R3HDM1: variants seen among roughly 807,000 people sequenced by gnomAD.
The protein encoded by R3HDM1 is R3H domain-containing protein 1.
Under a neutral mutation model 141.1 loss-of-function variants are expected in R3HDM1, and 46 were observed. That is an observed-to-expected ratio of 0.33 (90% CI 0.26 to 0.42). R3HDM1 has a LOEUF of 0.42. R3HDM1 is among the 10% of genes least tolerant of loss of function. R3HDM1 has a pLI of 1.00. For missense variants in R3HDM1, 1,184 were observed against 1,368.3 expected (o/e 0.87, Z 2.12); for synonymous variants, 435 against 472.9 (o/e 0.92, Z 1.04).
chr2:135,711,963 T>TAAAAAAAAA (rs35616482), intron 23 of R3HDM1, among the ~76,000 whole-genome samples: 2 of 85,108 alleles, frequency 2.3e-5, no homozygotes, highest in African/African-American at 4.8e-5. Context: ...TGTCTAAAAT[T>TAAAAAAAAA]AAAAAAAAAA....
At chr2:135,582,601 C>A (rs1707072205) in intron 1 of R3HDM1, among the ~76,000 whole-genome samples, 1 of 152,086 alleles carries the variant, frequency 6.6e-6, no homozygotes, top group African/African-American at 2.4e-5. Flanking sequence ...TGGGGGAAGT[C>A]TGGAGGGCCA....
Position 135,590,192 on chromosome 2 carries a change from G to C in R3HDM1, c.-249-12308G>C, listed in dbSNP as rs1383199344. On this transcript the variant is annotated intron_variant, in intron 1 of 26. Coordinates refer to ENST00000683871, the MANE Select transcript of R3HDM1 (RefSeq NM_001378107.1). ...CTCTCTTTTCATTTTCAAATGCTTA[G>C]AAAGTTATGTAGTACCTCTACAATA... Among the ~76,000 whole-genome samples, 3 of 152,062 alleles carry C rather than the reference G, an allele frequency of 2.0e-5. No homozygotes were observed. The East Asian group carries it at 5.8e-4, about 29-fold the overall frequency.
intron 3 of R3HDM1, among the ~76,000 whole-genome samples, chr2:135,610,694 ATTAAC>A (rs1243510381): frequency 1.3e-5 from 2 of 152,264 alleles, no homozygotes. Context: ...TGATGAAACA[ATTAAC>A]TTATTTCATT....
chr2:135,709,422 T>G lies in R3HDM1; in HGVS notation c.2460-11T>G. On this transcript the variant is annotated splice_polypyrimidine_tract_variant and intron_variant, in intron 21 of 26. Coordinates refer to ENST00000683871, the MANE Select transcript of R3HDM1 (RefSeq NM_001378107.1). ...TCCTCTCATTATGCTGTTTTTTTGT[T>G]TTTTCCATAGCTCTTCAGTAGGTTA... The G allele has an allele frequency of 6.2e-7, 1 of 1,613,836 alleles. No individual in the cohort carries two copies. Among genetic ancestry groups the G allele is most frequent in the South Asian group, 1.1e-5 (1 of 91,074 alleles).
At chr2:135,701,223 CAAAAAAAA>C (rs748354211) in intron 21 of R3HDM1, among the ~76,000 whole-genome samples, 3 of 82,432 alleles carry the variant, frequency 3.6e-5, no homozygotes, top group Non-Finnish European at 8.1e-5. Flanking sequence ...TCATCTCTAC[CAAAAAAAA>C]AAAAAAAAAA....
chr2:135,549,488 G>A (rs1361024233), intron 1 of R3HDM1, among the ~76,000 whole-genome samples: 14 of 150,410 alleles, frequency 9.3e-5, no homozygotes, highest in Admixed American at 9.3e-4. Flanking sequence ...TTGAACTCGG[G>A]AGGCGGATAT....
intron 21 of R3HDM1, among the ~76,000 whole-genome samples, chr2:135,695,312 C>A (rs1037827579): frequency 3.3e-5 from 5 of 151,922 alleles, no homozygotes; most frequent in African/African-American, 1.2e-4. Flanking sequence ...GAAACTAAGG[C>A]TAATAATGAG....
At chr2:135,552,913 G>A (rs1025248919) in intron 1 of R3HDM1, among the ~76,000 whole-genome samples, 1 of 151,620 alleles carries the variant, frequency 6.6e-6, no homozygotes, top group Non-Finnish European at 1.5e-5. Context: ...CCCTCACTCT[G>A]TTGCCCAGGC....
At chr2:135,541,761 A>G (rs983213959) in intron 1 of R3HDM1, among the ~76,000 whole-genome samples, 11 of 151,742 alleles carry the variant, frequency 7.2e-5, no homozygotes, top group African/African-American at 2.7e-4. Flanking sequence ...TTACCAAACT[A>G]TTACACAGAG....
At chr2:135,695,421 A>G (rs1559456650) in intron 21 of R3HDM1, among the ~76,000 whole-genome samples, 1 of 152,204 alleles carries the variant, frequency 6.6e-6, no homozygotes, top group Admixed American at 6.6e-5. Flanking sequence ...TTAAGGGGCT[A>G]ATTCATGTGT....
chr2:135,597,176 T>A (rs2059262194), intron 1 of R3HDM1: 1 of 974,416 alleles, frequency 1.0e-6, no homozygotes, highest in African/African-American at 1.8e-5. Context: ...TTCTTGCTTA[T>A]AATGTCCTCC....
chr2:135,677,357 C>G (rs1183004787), intron 20 of R3HDM1, among the ~76,000 whole-genome samples: 1 of 152,160 alleles, frequency 6.6e-6, no homozygotes, highest in Non-Finnish European at 1.5e-5. Context: ...AGCCTAGGCA[C>G]ATGAGCCTGC....
intron 15 of R3HDM1, 86 bp downstream of exon 15, chr2:135,641,876 G>A (rs1668428136): frequency 7.4e-7 from 1 of 1,359,730 alleles, no homozygotes. Context: ...TGTGTAGTCA[G>A]CTTTTTATTA....
chr2:135,583,566 G>T (rs572355949), intron 1 of R3HDM1, among the ~76,000 whole-genome samples: 2 of 152,228 alleles, frequency 1.3e-5, no homozygotes, highest in South Asian at 4.1e-4. Context: ...TATGATCCTT[G>T]CCAGAATCAG....
chr2:135,600,860 T>C (rs1050135276), intron 1 of R3HDM1, among the ~76,000 whole-genome samples: 1 of 152,230 alleles, frequency 6.6e-6, no homozygotes, highest in Non-Finnish European at 1.5e-5. Flanking sequence ...CTAGGTGGTC[T>C]CTCAGGTTCT....
intron 21 of R3HDM1, among the ~76,000 whole-genome samples, chr2:135,693,008 A>C (rs998854429): frequency 2.6e-5 from 4 of 152,232 alleles, no homozygotes; most frequent in African/African-American, 9.6e-5. Context: ...TAAGGTCGGC[A>C]GACTTTTTCT....
At chr2:135,701,058 G>A (rs1341408895) in intron 21 of R3HDM1, among the ~76,000 whole-genome samples, 1 of 152,008 alleles carries the variant, frequency 6.6e-6, no homozygotes, top group East Asian at 1.9e-4. Flanking sequence ...ACAATATACT[G>A]TAAGAAAAGT....
At chr2:135,638,428 A>G (rs917761504) in intron 11 of R3HDM1, among the ~76,000 whole-genome samples, 190 bp from the exon 12 acceptor site, 2 of 152,236 alleles carry the variant, frequency 1.3e-5, no homozygotes, top group Non-Finnish European at 2.9e-5. Flanking sequence ...TGTATATTAT[A>G]TATTTGTTAA....
intron 1 of R3HDM1, among the ~76,000 whole-genome samples, chr2:135,596,150 C>A (rs1465855705): frequency 6.6e-6 from 1 of 152,092 alleles, no homozygotes; most frequent in Non-Finnish European, 1.5e-5. Flanking sequence ...AGGTGTGCAC[C>A]ACCACGCCCA....
Sources: allele counts gnomAD v4.1 joint callset (sites outside exome capture counted in the v4.1 genomes callset), GRCh38; gene constraint gnomAD v4.1.1; transcripts MANE v1.5; gene names NCBI Gene and HGNC (gene_info 2026-07-23, HGNC 2026-07-21).